The following MTHFD1 variants were observed in gnomAD, a reference collection of about 807,000 sequenced individuals.
MTHFD1 encodes methylenetetrahydrofolate dehydrogenase, cyclohydrolase and formyltetrahydrofolate synthetase 1.
A neutral mutation model predicts 110.3 loss-of-function variants in MTHFD1; 44 were observed. That is an observed-to-expected ratio of 0.40 (90% CI 0.31 to 0.51). MTHFD1 has a LOEUF of 0.51. Among genes scored for constraint, MTHFD1 ranks in the 20% least tolerant of loss-of-function variants. The pLI, the probability that MTHFD1 is intolerant of heterozygous loss-of-function variation, is 0.60. For synonymous variants in MTHFD1, 402 were observed against 428.8 expected, an observed-to-expected ratio of 0.94 and a Z score of 0.77; for missense variants, 909 against 1,173.1, an observed-to-expected ratio of 0.77 and a Z score of 3.29.
In MTHFD1 at chr14:64,426,101, G is replaced by C. The variant is rs1191787917; in HGVS notation, c.1036G>C (p.Glu346Gln). 6.2e-7 allele frequency: 1 copy of C among 1,614,110 alleles called. No individual in the cohort carries two copies. Among genetic ancestry groups the C allele is most frequent in the East Asian group, 2.2e-5 (1 of 44,890 alleles). Reference sequence around the variant, plus strand: ...AATTGGTCTGCTGTCTGAAGAGGTAGAATTATATGGTGAAACAAAGGCCAA... The same window carrying C: ...AATTGGTCTGCTGTCTGAAGAGGTACAATTATATGGTGAAACAAAGGCCAA... Reference protein sequence around the residue: ...REIGLLSEEVELYGETKAKVL... With the variant: ...REIGLLSEEVQLYGETKAKVL... The change falls in exon 11 of 28, where the codon GAA becomes CAA. Residue 346 changes from glutamate (E) to glutamine (Q), a missense_variant. Glu to Gln is a conservative substitution (Grantham distance 29). This residue lies in a region of MTHFD1 where 424 missense variants were observed against 510.4 expected (regional missense o/e 0.83). Transcript: ENST00000652337.
chr14:64,410,940 C>T, intron 2 of MTHFD1, 150 bp from the exon 3 acceptor site: 3 of 682,304 alleles, frequency 4.4e-6, no homozygotes, highest in Admixed American at 2.1e-5. Flanking sequence ...TCCCTCCTGC[C>T]CCCACAGCCT....
chr14:64,459,145 A>C (rs1458764793), intron 27 of MTHFD1, among the ~76,000 whole-genome samples: 4 of 152,184 alleles, frequency 2.6e-5, no homozygotes, highest in African/African-American at 9.7e-5. Flanking sequence ...CTATCTGGAT[A>C]TTTTCAGACG....
intron 4 of MTHFD1, among the ~76,000 whole-genome samples, chr14:64,413,451 A>G (rs994204837): frequency 1.3e-5 from 2 of 152,192 alleles, no homozygotes; most frequent in African/African-American, 4.8e-5. Flanking sequence ...AGGCAGAACA[A>G]ATCAGCGGTG....
intron 11 of MTHFD1, 52 bp downstream of exon 11, chr14:64,426,244 T>C: frequency 6.2e-7 from 1 of 1,606,646 alleles, no homozygotes. Context: ...GTCCTGATAC[T>C]AAGGCGTTGC....
chr14:64,435,691 G>C lies in MTHFD1; in HGVS notation c.1597+20G>C. 6.7e-7 allele frequency: 1 copy of C among 1,489,148 alleles called. No individual in the cohort carries two copies. The highest frequency in any genetic ancestry group is 9.4e-7 in the Non-Finnish European group (1 of 1,066,108). The allele number at this position is 1,489,148 out of a possible 1,614,324, so 92.2% of individuals were successfully genotyped here. On this transcript the variant is annotated intron_variant, in intron 16 of 27. Coordinates refer to ENST00000652337, the MANE Select transcript of MTHFD1 (RefSeq NM_005956.4). ...AAAGAGGTACCAGAGCAGTATACAA[G>C]CCCCGTTTGTTTTGGCTATATTGCA...
At chr14:64,421,807 A>C (rs2078074830) in intron 8 of MTHFD1, among the ~76,000 whole-genome samples, 1 of 151,762 alleles carries the variant, frequency 6.6e-6, no homozygotes, top group South Asian at 2.1e-4. Flanking sequence ...TTGTATTTTT[A>C]GTAGAGACGG....
intron 27 of MTHFD1, chr14:64,458,766 C>T (rs2078516179): frequency 4.9e-6 from 1 of 204,348 alleles, no homozygotes; most frequent in Non-Finnish European, 1.0e-5. Context: ...CAGGACCAAT[C>T]TGGCAGTTCT....
chr14:64,431,448 A>G, intron 13 of MTHFD1, 84 bp from the exon 14 acceptor site: 2 of 1,186,554 alleles, frequency 1.7e-6, no homozygotes, highest in Non-Finnish European at 2.5e-6. Context: ...TGGCTTTAAA[A>G]TAGGGATTGA....
At chr14:64,411,232 C>T (rs2140952985) in intron 3 of MTHFD1, 83 bp downstream of exon 3, 1 of 1,030,338 alleles carries the variant, frequency 9.7e-7, no homozygotes, top group Non-Finnish European at 1.5e-6. Flanking sequence ...TTTGGTCCTC[C>T]CTGTGAAAAC....
rs1410124788 is a variant in MTHFD1 at position 64,417,890 on chromosome 14, G to A, written c.481G>A (p.Val161Met). ...ATGCAGGCTGGCTTTTCTTTCAGGG[G>A]TGCCGATTGCCGGAAGGCATGCTGT... ...GCLELIKETGVPIAGRHAVVV... is the reference protein window; with the variant it reads ...GCLELIKETGMPIAGRHAVVV... The change falls in exon 7 of 28, where the codon GTG (valine) becomes ATG (methionine). Residue 161 changes from valine (V) to methionine (M), a missense_variant and splice_region_variant. Val to Met is a conservative substitution (Grantham distance 21, BLOSUM62 1). This residue lies in a region of MTHFD1 where 424 missense variants were observed against 510.4 expected (regional missense o/e 0.83). Transcript: ENST00000652337. The surrounding 1 kb of genome is among the most constrained non-coding windows in gnomAD (Gnocchi z 4.4). 1.5e-5 allele frequency: 24 copies of A among 1,612,456 alleles called. No homozygotes were observed. Among genetic ancestry groups the A allele is most frequent in the Non-Finnish European group, 1.9e-5 (23 of 1,179,934 alleles).
At chr14:64,418,880 G>A (rs888775289) in intron 7 of MTHFD1, among the ~76,000 whole-genome samples, 1 of 152,070 alleles carries the variant, frequency 6.6e-6, no homozygotes, top group Admixed American at 6.6e-5. Flanking sequence ...TTTGAGACAG[G>A]GTCTTGCTCT....
intron 1 of MTHFD1, among the ~76,000 whole-genome samples, chr14:64,395,836 C>T (rs550845001): frequency 1.3e-5 from 2 of 152,220 alleles, no homozygotes; most frequent in South Asian, 4.1e-4. Flanking sequence ...AAACCCTGAT[C>T]AAGAAGCTTA....
chr14:64,427,240 G>C, intron 11 of MTHFD1, 97 bp from the exon 12 acceptor site: 1 of 1,396,376 alleles, frequency 7.2e-7, no homozygotes, highest in South Asian at 1.2e-5. Flanking sequence ...TTAATCTTTA[G>C]ATTACGAGTC....
In MTHFD1 at chr14:64,415,389, A is replaced by T. The variant is rs1312528186; in HGVS notation, c.272A>T (p.Asp91Val). Reference sequence around the variant, plus strand: ...AAGTACATTACATCTTTGAATGAAGACTCTACTGTACATGGGTTCTTAGTG... The same window carrying T: ...AAGTACATTACATCTTTGAATGAAGTCTCTACTGTACATGGGTTCTTAGTG... ...VMKYITSLNEDSTVHGFLVQL... is the reference protein window; with the variant it reads ...VMKYITSLNEVSTVHGFLVQL... Residue 91 changes from aspartate to valine, a missense_variant, in exon 5 of 28, where the codon GAC (aspartate) becomes GTC (valine). This residue lies in a region of MTHFD1 where 424 missense variants were observed against 510.4 expected (regional missense o/e 0.83). Coordinates refer to ENST00000652337, the MANE Select transcript of MTHFD1 (RefSeq NM_005956.4). 2.5e-6 allele frequency: 4 copies of T among 1,609,238 alleles called. No homozygotes were observed. Among genetic ancestry groups the T allele is most frequent in the African/African-American group, 1.3e-5 (1 of 74,804 alleles).
intron 13 of MTHFD1, among the ~76,000 whole-genome samples, chr14:64,431,194 T>C (rs564257617): frequency 6.1e-4 from 93 of 151,864 alleles, no homozygotes; most frequent in African/African-American, 2.1e-3. Flanking sequence ...GCCTTCCAAG[T>C]AGCTGGGATT....
At chr14:64,430,421 C>T (rs2078149038) in intron 13 of MTHFD1, among the ~76,000 whole-genome samples, 191 bp downstream of exon 13, 1 of 149,826 alleles carries the variant, frequency 6.7e-6, no homozygotes, top group Admixed American at 6.6e-5. Context: ...GCGTCAGCCT[C>T]CCGAGTAGCT....
At position 64,448,815 on chromosome 14, in the gene MTHFD1, T is replaced by G. The variant is rs926959555; in HGVS notation, c.2279+498T>G. Among the ~76,000 whole-genome samples, 157 of 151,356 alleles carry G rather than the reference T, an allele frequency of 1.0e-3. 2 individuals carry two copies. Among genetic ancestry groups the G allele is most frequent in the East Asian group, 8.5e-3 (44 of 5,158 alleles). The stretch of plus-strand genomic sequence containing the variant: ...GAAGCAAAAAATCTTTTTTTTTTTT[T>G]GGGGGACGAAGTCTGTCTCTGTTGC... On this transcript the variant is annotated intron_variant, in intron 23 of 27. Coordinates refer to ENST00000652337, the MANE Select transcript of MTHFD1 (RefSeq NM_005956.4).
chr14:64,395,636 A>C (rs2077842057), intron 1 of MTHFD1, among the ~76,000 whole-genome samples: 1 of 152,172 alleles, frequency 6.6e-6, no homozygotes, highest in African/African-American at 2.4e-5. Context: ...CAAATGGGGC[A>C]GTTTTTTCCT....
intron 15 of MTHFD1, among the ~76,000 whole-genome samples, 157 bp from the exon 16 acceptor site, chr14:64,435,412 G>A (rs2295638): frequency 0.062 from 9,441 of 152,174 alleles, 517 homozygotes; most frequent in African/African-American, 0.16. Flanking sequence ...CTGACAGTAG[G>A]AAATAACCCC....
Sources: gnomAD v4.1 joint callset for allele counts (sites outside exome capture counted in the v4.1 genomes callset) on GRCh38, gnomAD v4.1.1 for gene constraint, gnomAD v4.1.1 regional missense constraint, Gnocchi (gnomAD v3.1) non-coding constraint, MANE v1.5 for transcripts, NCBI Gene and HGNC (gene_info 2026-07-23, HGNC 2026-07-21) for gene names.